PPP1R3A: variants seen among roughly 807,000 people sequenced by gnomAD.
PPP1R3A encodes protein phosphatase 1 regulatory subunit 3A, also known as RG1.
Under a neutral mutation model 41.7 loss-of-function variants are expected in PPP1R3A, and 29 were observed. The observed-to-expected ratio is 0.70, with a 90% CI of 0.52 to 0.95. The LOEUF (loss-of-function observed/expected upper bound fraction) is 0.95, where lower values mean the gene tolerates loss of function less well. Ranked by LOEUF, PPP1R3A falls within the 40% of genes least tolerant of loss-of-function variation. PPP1R3A has a pLI of 0.00. For missense variants in PPP1R3A, 1,352 were observed against 1,292.4 expected (o/e 1.05, Z -0.71); for synonymous variants, 485 against 453.4 (o/e 1.07, Z -0.89).
intron 1 of PPP1R3A, among the ~76,000 whole-genome samples, chr7:113,893,557 C>A (rs912365050): frequency 6.6e-6 from 1 of 151,842 alleles, no homozygotes; most frequent in Non-Finnish European, 1.5e-5. Flanking sequence ...AAAAATACAT[C>A]GAATATACCT....
At chr7:113,909,741 T>A (rs951729251) in intron 1 of PPP1R3A, among the ~76,000 whole-genome samples, 6 of 152,054 alleles carry the variant, frequency 3.9e-5, no homozygotes, top group African/African-American at 1.4e-4. Flanking sequence ...ACAATATAAT[T>A]TTGCTTGATT....
chr7:113,879,304 T>C lies in PPP1R3A; in HGVS notation c.1788A>G (p.Leu596=). The C allele has an allele frequency of 6.2e-7, 1 of 1,613,658 alleles. No homozygotes were observed. The highest frequency in any genetic ancestry group is 8.5e-7 in the Non-Finnish European group (1 of 1,179,716). ...TAGTCAAATGATGATGCTCTGGGGT[T>C]AACACAGCTTCTTCCCAACTTAAAT... ...RTNLSWEEAV[L]TPEHHHLTSE... Residue 596 remains leucine (L), a synonymous_variant, in exon 4 of 4, where the codon TTA becomes TTG. Coordinates refer to ENST00000284601, the MANE Select transcript of PPP1R3A (RefSeq NM_002711.4).
At position 113,887,749 on chromosome 7, in the gene PPP1R3A, G is replaced by A. The variant is rs547440144; in HGVS notation, c.783-5429C>T. On this transcript the variant is annotated intron_variant, in intron 1 of 3. Coordinates refer to ENST00000284601, the MANE Select transcript of PPP1R3A (RefSeq NM_002711.4). Reference sequence around the variant, plus strand: ...AGACAAGACTAAAAAAGCACAAAATGGCCAGGTGTGGTGGCTCACGCCTAT... The same window carrying A: ...AGACAAGACTAAAAAAGCACAAAATAGCCAGGTGTGGTGGCTCACGCCTAT... Among the ~76,000 whole-genome samples, 8 of 152,250 alleles carry A rather than the reference G, an allele frequency of 5.3e-5. No individual in the cohort carries two copies. In the South Asian group the frequency reaches 8.3e-4, roughly 16 times the overall value.
At chr7:113,901,376 T>C (rs1797059074) in intron 1 of PPP1R3A, among the ~76,000 whole-genome samples, 5 of 151,764 alleles carry the variant, frequency 3.3e-5, no homozygotes. Flanking sequence ...CCTAATATAT[T>C]GATGAGTAGA....
chr7:113,898,108 A>C (rs1293398868), intron 1 of PPP1R3A, among the ~76,000 whole-genome samples: 1 of 151,840 alleles, frequency 6.6e-6, no homozygotes, highest in Non-Finnish European at 1.5e-5. Context: ...GTAATGTTGG[A>C]TAAAATTCAG....
chr7:113,905,181 T>C (rs1797124837), intron 1 of PPP1R3A, among the ~76,000 whole-genome samples: 1 of 151,642 alleles, frequency 6.6e-6, no homozygotes, highest in African/African-American at 2.4e-5. Flanking sequence ...ATATATTATT[T>C]TTGCTATATA....
At chr7:113,916,221 T>G (rs779166762) in intron 1 of PPP1R3A, among the ~76,000 whole-genome samples, 6 of 152,078 alleles carry the variant, frequency 3.9e-5, no homozygotes, top group Non-Finnish European at 8.8e-5. Flanking sequence ...ATTTTTTCCA[T>G]TTTTATAACT....
At chr7:113,916,361 T>A (rs1005911653) in intron 1 of PPP1R3A, among the ~76,000 whole-genome samples, 9 of 152,092 alleles carry the variant, frequency 5.9e-5, no homozygotes, top group Non-Finnish European at 8.8e-5. Context: ...AATACAAATG[T>A]ATGTGTGGAT....
chr7:113,908,398 G>A (rs1452389678), intron 1 of PPP1R3A, among the ~76,000 whole-genome samples: 1 of 151,832 alleles, frequency 6.6e-6, no homozygotes, highest in African/African-American at 2.4e-5. Context: ...TGAGTTGAGT[G>A]TAACTGGGCA....
chr7:113,885,644 A>G (rs939626867), intron 1 of PPP1R3A, among the ~76,000 whole-genome samples: 4 of 151,850 alleles, frequency 2.6e-5, no homozygotes, highest in African/African-American at 9.7e-5. Context: ...ACAAAAAGGA[A>G]TATTATACAA....
At chr7:113,907,705 T>A (rs1188945996) in intron 1 of PPP1R3A, among the ~76,000 whole-genome samples, 8 of 151,812 alleles carry the variant, frequency 5.3e-5, no homozygotes, top group Non-Finnish European at 8.8e-5. Context: ...GGAATAAAAC[T>A]ACTTATTAAA....
chr7:113,912,536 C>A (rs1254587498), intron 1 of PPP1R3A, among the ~76,000 whole-genome samples: 1 of 151,972 alleles, frequency 6.6e-6, no homozygotes, highest in African/African-American at 2.4e-5. Flanking sequence ...GCAATCGGAT[C>A]CACTTCAGAT....
At chr7:113,908,763 TTAGA>T (rs1344548702) in intron 1 of PPP1R3A, among the ~76,000 whole-genome samples, 1 of 151,704 alleles carries the variant, frequency 6.6e-6, no homozygotes, top group Non-Finnish European at 1.5e-5. Context: ...TGATGGTGGA[TTAGA>T]TAAAGAAAAA....
rs146807240 is a variant in PPP1R3A at position 113,887,006 on chromosome 7, G to T, written c.783-4686C>A. The stretch of plus-strand genomic sequence containing the variant: ...TAATAGTGGCATAAGAAATGCTGTT[G>T]AGTGAATAAATGCACAGCATCGTCT... On this transcript the variant is annotated intron_variant, in intron 1 of 3. Transcript: ENST00000284601. Among the ~76,000 whole-genome samples the T allele has an allele frequency of 1.6e-3, 237 of 152,208 alleles. 1 individual carries two copies. In the Middle Eastern group the frequency reaches 0.024, roughly 15 times the overall value.
intron 1 of PPP1R3A, among the ~76,000 whole-genome samples, chr7:113,890,919 G>T (rs4730603): frequency 0.17 from 26,343 of 151,404 alleles, 3,388 homozygotes; most frequent in East Asian, 0.67. Flanking sequence ...TACTTGGATT[G>T]TCTCATCCCA....
chr7:113,878,242 T>C lies in PPP1R3A; in HGVS notation c.2850A>G (p.Ser950=). The C allele has an allele frequency of 6.2e-7, 1 of 1,613,262 alleles. No individual in the cohort carries two copies. The highest frequency in any genetic ancestry group is 1.1e-5 in the South Asian group (1 of 91,068). The change falls in exon 4 of 4, where the codon TCA becomes TCG. Residue 950 remains serine, a synonymous_variant. Transcript: ENST00000284601. ...CTCTTGTTGAATTACAAATATTTTC[T>C]GATTTCGTAGAAATAGGTTGGCTAG... is the stretch of plus-strand genomic sequence containing the variant. ...TMASQPISTK[S]ENICNSTREI...
At chr7:113,910,989 C>A (rs1056759789) in intron 1 of PPP1R3A, among the ~76,000 whole-genome samples, 1 of 152,080 alleles carries the variant, frequency 6.6e-6, no homozygotes, top group Non-Finnish European at 1.5e-5. Flanking sequence ...ACACATAAGA[C>A]AACCATTACC....
chr7:113,904,058 G>A (rs1584417951), intron 1 of PPP1R3A, among the ~76,000 whole-genome samples: 1 of 151,554 alleles, frequency 6.6e-6, no homozygotes, highest in African/African-American at 2.4e-5. Flanking sequence ...ATTTGTCCGA[G>A]TATGTTTCAC....
At chr7:113,912,818 A>T (rs1175781852) in intron 1 of PPP1R3A, among the ~76,000 whole-genome samples, 1 of 151,910 alleles carries the variant, frequency 6.6e-6, no homozygotes, top group Non-Finnish European at 1.5e-5. Context: ...GCTCTCAGAG[A>T]TCCCAGAGGA....
Sources: allele counts gnomAD v4.1 joint callset (sites outside exome capture counted in the v4.1 genomes callset), GRCh38; gene constraint gnomAD v4.1.1; transcripts MANE v1.5; gene names NCBI Gene and HGNC (gene_info 2026-07-23, HGNC 2026-07-21).